NFATC1: variants seen among roughly 807,000 people sequenced by gnomAD.
NFATC1 encodes nuclear factor of activated T cells 1, also known as nuclear factor of activated T-cells, cytoplasmic 1.
A neutral mutation model predicts 76.0 loss-of-function variants in NFATC1; 22 were observed. That is an observed-to-expected ratio of 0.29 (90% CI 0.21 to 0.41). The LOEUF (loss-of-function observed/expected upper bound fraction) is 0.41, where lower values mean the gene tolerates loss of function less well. Ranked by LOEUF, NFATC1 falls within the 10% of genes least tolerant of loss-of-function variation. The pLI is 1.00. For synonymous variants in NFATC1, 704 were observed against 613.1 expected (o/e 1.15, Z -2.19); for missense variants, 1,357 against 1,337.7 (o/e 1.01, Z -0.23).
rs567573415 is a variant in NFATC1 at position 79,403,014 on chromosome 18, C to T, written c.127+6663C>T. On this transcript the variant is annotated intron_variant, in intron 1 of 9. Coordinates refer to ENST00000427363, the MANE Select transcript of NFATC1 (RefSeq NM_001278669.2). ...GAAAGTCAAGCTTTGTTGTAAAGGA[C>T]GTGGCCGGCCCTGAGCCCAGGAGGC... is the stretch of plus-strand genomic sequence containing the variant. 1.1e-4 allele frequency among the ~76,000 whole-genome samples: 17 copies of T among 152,378 alleles called. No individual in the cohort carries two copies. The East Asian group carries it at 2.1e-3, about 19-fold the overall frequency.
rs1276058832 is a variant in NFATC1, at chr18:79,486,337, C to T, written c.2182C>T (p.Pro728Ser). The change falls in exon 9 of 10, where the codon CCA becomes TCA. Residue 728 changes from proline (P) to serine (S), a missense_variant. Physicochemically the swap from Pro to Ser is moderately conservative, Grantham distance 74. Transcript: ENST00000427363. ...CCAGGGGTTAAGTCCTCTCCCAAGA[C>T]CATACTACAGCCAGCAGCTCGCGAT... is the stretch of plus-strand genomic sequence containing the variant. ...VSQGLSPLPR[P>S]YYSQQLAMPP... 1 of 1,613,066 alleles carries T rather than the reference C, an allele frequency of 6.2e-7. No individual in the cohort carries two copies. Among genetic ancestry groups the T allele is most frequent in the Admixed American group, 1.7e-5 (1 of 60,008 alleles).
At chr18:79,397,594 G>A (rs1277158570) in intron 1 of NFATC1, among the ~76,000 whole-genome samples, 7 of 152,202 alleles carry the variant, frequency 4.6e-5, no homozygotes, top group Non-Finnish European at 1.5e-5. Flanking sequence ...ACCATGTCCC[G>A]TGTCAGTGTT....
At chr18:79,436,425 A>C (rs1445505433) in intron 3 of NFATC1, among the ~76,000 whole-genome samples, 1 of 151,970 alleles carries the variant, frequency 6.6e-6, no homozygotes, top group African/African-American at 2.4e-5. Flanking sequence ...TGTCTCCTGC[A>C]GTGCAGCTGA....
At chr18:79,459,324 A>T (rs1158889268) in intron 6 of NFATC1, among the ~76,000 whole-genome samples, 1 of 152,196 alleles carries the variant, frequency 6.6e-6, no homozygotes, top group Non-Finnish European at 1.5e-5. Context: ...AGACGCCTCC[A>T]TGCCGTCGTT....
intron 9 of NFATC1, among the ~76,000 whole-genome samples, chr18:79,506,983 T>C (rs1163458530): frequency 6.6e-6 from 1 of 152,188 alleles, no homozygotes; most frequent in Non-Finnish European, 1.5e-5. Flanking sequence ...CCCGGACCCA[T>C]AATCAAAGCC....
chr18:79,406,394 C>T (rs763105375), intron 1 of NFATC1, among the ~76,000 whole-genome samples: 8 of 152,100 alleles, frequency 5.3e-5, no homozygotes, highest in African/African-American at 9.7e-5. Flanking sequence ...CGGATGCCTC[C>T]GAGAGGAAGT....
chr18:79,480,530 C>A (rs563332167), intron 8 of NFATC1, among the ~76,000 whole-genome samples: 6 of 152,176 alleles, frequency 3.9e-5, no homozygotes, highest in African/African-American at 7.2e-5. Flanking sequence ...CTGTGCCCCT[C>A]GCCACCACCA....
chr18:79,451,237 C>A, intron 5 of NFATC1, 111 bp downstream of exon 5: 1 of 1,251,922 alleles, frequency 8.0e-7, no homozygotes, highest in Non-Finnish European at 1.1e-6. Flanking sequence ...CTGAACGGTT[C>A]CCACCAAACC....
intron 2 of NFATC1, among the ~76,000 whole-genome samples, chr18:79,432,513 C>T (rs1020737657): frequency 6.6e-6 from 1 of 152,228 alleles, no homozygotes; most frequent in Non-Finnish European, 1.5e-5. Context: ...CCACCGCATC[C>T]TCCGCCTGCC....
At chr18:79,440,451 C>T (rs998796025) in intron 3 of NFATC1, among the ~76,000 whole-genome samples, 3 of 152,234 alleles carry the variant, frequency 2.0e-5, no homozygotes, top group African/African-American at 4.8e-5. Flanking sequence ...GCAATCACCC[C>T]GTGGGGAGGC....
chr18:79,448,782 C>G lies in NFATC1; in HGVS notation c.1387C>G (p.Leu463Val), dbSNP rs1480679972. 1 of 1,613,096 alleles carries G rather than the reference C, an allele frequency of 6.2e-7. No individual in the cohort carries two copies. The highest frequency in any genetic ancestry group is 8.5e-7 in the Non-Finnish European group (1 of 1,179,610). The part of the protein sequence containing the change: ...ASAGGHPIVQ[L>V]HGYLENEPLM... ...CAGGTGTTTTCTGTTCTCTCGCCAG[C>G]TGCATGGCTACTTGGAGAATGAGCC... The change falls in exon 4 of 10, where the codon CTG becomes GTG. Residue 463 changes from leucine (L) to valine (V), a missense_variant and splice_region_variant. Around this residue, in one of 3 missense-constraint regions of NFATC1, gnomAD observed 242 missense variants for 329.2 expected, o/e 0.74. Transcript: ENST00000427363.
intron 7 of NFATC1, among the ~76,000 whole-genome samples, chr18:79,467,118 T>A (rs1341341348): frequency 1.3e-5 from 2 of 152,254 alleles, no homozygotes; most frequent in Non-Finnish European, 2.9e-5. Context: ...GCTGTGCTGC[T>A]CTGAGGAAGC....
At position 79,396,175 on chromosome 18, in the gene NFATC1, C is replaced by T; in HGVS notation, c.-50C>T. 7.1e-7 allele frequency: 1 copy of T among 1,417,408 alleles called. No individual in the cohort carries two copies. The highest frequency in any genetic ancestry group is 9.3e-7 in the Non-Finnish European group (1 of 1,072,774). 87.8% of individuals were successfully genotyped at this position (1,417,408 alleles called of 1,614,324 possible). On this transcript the variant is annotated 5_prime_UTR_variant, in exon 1 of 10. Coordinates refer to ENST00000427363, the MANE Select transcript of NFATC1 (RefSeq NM_001278669.2). ...CGACCCCGGCAGCGCGGGGCGGCCG[C>T]TTCTCCTGTGCCTCCGCCCGCCGCT...
In NFATC1 at chr18:79,439,301, A is replaced by G. The variant is rs536640403; in HGVS notation, c.1386+5563A>G. On this transcript the variant is annotated intron_variant, in intron 3 of 9. Coordinates refer to ENST00000427363, the MANE Select transcript of NFATC1 (RefSeq NM_001278669.2). ...CTGATCAGAGCTCCGAGGCCCCACC[A>G]GGAGCTGTGCTATTGCAGAACCTCA... Among the ~76,000 whole-genome samples the G allele has an allele frequency of 2.0e-5, 3 of 152,210 alleles. No homozygotes were observed. The South Asian group carries it at 6.2e-4, about 31-fold the overall frequency.
At chr18:79,429,411 A>T (rs970120248) in intron 2 of NFATC1, among the ~76,000 whole-genome samples, 4 of 151,560 alleles carry the variant, frequency 2.6e-5, no homozygotes, top group East Asian at 1.9e-4. Context: ...TCACTTTTTT[A>T]AAAAATTGAC....
chr18:79,449,305 G>A (rs923060076), intron 4 of NFATC1, among the ~76,000 whole-genome samples: 3 of 152,200 alleles, frequency 2.0e-5, no homozygotes, highest in African/African-American at 7.2e-5. Flanking sequence ...GTTAAAACGT[G>A]AGCATCAAAA....
At position 79,520,591 on chromosome 18, in the gene NFATC1, ATGTGTGTGTC is replaced by A. The variant is rs1157621049; in HGVS notation, c.2783-6927_2783-6918del. Among the ~76,000 whole-genome samples, 5 of 106,764 alleles carry A rather than the reference ATGTGTGTGTC, an allele frequency of 4.7e-5. No individual in the cohort carries two copies. In the South Asian group the frequency reaches 1.5e-3, roughly 31 times the overall value. 70.0% of individuals were successfully genotyped at this position (106,764 alleles called of 152,430 possible). ...TCCGTGTGTGTGGGGGCATCCGCTG[ATGTGTGTGTC>A]TGTGTGTGTGTGGGGGGGGCATCCA... is the stretch of plus-strand genomic sequence containing the variant. On this transcript the variant is annotated intron_variant, in intron 9 of 9. Transcript: ENST00000427363.
chr18:79,442,149 G>T (rs1367760312), intron 3 of NFATC1, among the ~76,000 whole-genome samples: 1 of 152,190 alleles, frequency 6.6e-6, no homozygotes, highest in Non-Finnish European at 1.5e-5. Context: ...GAGGGCAGCG[G>T]GCCGAGGCGG....
chr18:79,527,196 C>A (rs963644713), intron 9 of NFATC1: 2 of 264,436 alleles, frequency 7.6e-6, no homozygotes, highest in Non-Finnish European at 1.5e-5. Context: ...TGGTGTGGAC[C>A]TGTGGGTCGC....
Sources: allele counts gnomAD v4.1 joint callset (sites outside exome capture counted in the v4.1 genomes callset), GRCh38; gene constraint gnomAD v4.1.1; regional missense constraint gnomAD v4.1.1; transcripts MANE v1.5; gene names NCBI Gene and HGNC (gene_info 2026-07-23, HGNC 2026-07-21).